Variants in HYDIN observed in about 807,000 individuals in gnomAD.
The protein encoded by HYDIN is HYDIN axonemal central pair apparatus protein, also known as axonemal central pair apparatus protein HYDIN.
HYDIN carries 132 observed loss-of-function variants against 403.9 expected under a neutral mutation model. That is an observed-to-expected ratio of 0.33 (90% CI 0.28 to 0.38). The LOEUF is 0.38. Ranked by LOEUF, HYDIN falls within the 10% of genes least tolerant of loss-of-function variation. The pLI, the probability that HYDIN is intolerant of heterozygous loss-of-function variation, is 1.00. For missense variants in HYDIN, 2,827 were observed against 5,009.5 expected, an observed-to-expected ratio of 0.56 and a Z score of 13.15; for synonymous variants, 1,202 against 1,891.7, an observed-to-expected ratio of 0.64 and a Z score of 9.46.
At chr16:70,931,646 C>A (rs1357462371) in intron 45 of HYDIN, among the ~76,000 whole-genome samples, 2 of 152,000 alleles carry the variant, frequency 1.3e-5, no homozygotes, top group Non-Finnish European at 2.9e-5. Flanking sequence ...TCAGAATCAC[C>A]AGCAGATTTC....
chr16:70,891,215 G>A lies in HYDIN; in HGVS notation c.9656+431C>T, dbSNP rs1186328344. Among the ~76,000 whole-genome samples, 8 of 152,186 alleles carry A rather than the reference G, an allele frequency of 5.3e-5. 1 individual carries two copies. The highest frequency in any genetic ancestry group is 1.9e-4 in the African/African-American group (8 of 41,536). Reference sequence around the variant, plus strand: ...TTATTTTTTATTTTTTTGAGACAGAGTCTCGTTCTGTCGCCCAGACTGGAG... The same window carrying A: ...TTATTTTTTATTTTTTTGAGACAGAATCTCGTTCTGTCGCCCAGACTGGAG... On this transcript the variant is annotated intron_variant, in intron 57 of 85. Transcript: ENST00000393567.
chr16:70,985,160 C>T lies in HYDIN; in HGVS notation c.4332+25G>A, dbSNP rs573472690. On this transcript the variant is annotated intron_variant, in intron 28 of 85. Transcript: ENST00000393567. ...GGAGTGGGGCTCGTAGGTTTGAATTCGGGCCCCTCCCACCATTTACTTACA... is the reference window on the plus strand; with the variant it reads ...GGAGTGGGGCTCGTAGGTTTGAATTTGGGCCCCTCCCACCATTTACTTACA... 363 of 1,610,326 alleles carry T rather than the reference C, an allele frequency of 2.3e-4. 3 individuals carry two copies. In the East Asian group the frequency reaches 7.7e-3, roughly 34 times the overall value.
chr16:70,964,541 C>T (rs8061663), intron 37 of HYDIN, among the ~76,000 whole-genome samples, 187 bp downstream of exon 37: 6,147 of 144,256 alleles, frequency 0.043, no homozygotes, highest in African/African-American at 0.16. Context: ...TGTGTTCCAG[C>T]CTCTGCATCC....
chr16:71,156,718 GAATAT>G (rs2085783322), intron 6 of HYDIN, among the ~76,000 whole-genome samples: 1 of 151,296 alleles, frequency 6.6e-6, no homozygotes, highest in Non-Finnish European at 1.5e-5. Flanking sequence ...ATTAAATATT[GAATAT>G]AATATTAGTA....
In HYDIN at chr16:71,152,786, G is replaced by C. The variant is rs773693247; in HGVS notation, c.717-3C>G. On this transcript the variant is annotated splice_region_variant and splice_polypyrimidine_tract_variant and intron_variant, in intron 6 of 85. Coordinates refer to ENST00000393567, the MANE Select transcript of HYDIN (RefSeq NM_001270974.2). ...TAGCTGGTTCTATAGAGAAAGGCCT[G>C]CAACACACAGAGAGGCACATCATCA... 7 of 1,540,904 alleles carry C rather than the reference G, an allele frequency of 4.5e-6. No individual in the cohort carries two copies. The highest frequency in any genetic ancestry group is 6.2e-6 in the Non-Finnish European group (7 of 1,137,788).
At chr16:70,970,972 A>C (rs1339378757) in intron 35 of HYDIN, among the ~76,000 whole-genome samples, 3 of 152,176 alleles carry the variant, frequency 2.0e-5, no homozygotes, top group East Asian at 3.9e-4. Context: ...ATATCAAATA[A>C]ATTCTGGGTA....
At chr16:70,840,585 T>C (rs2037749472) in intron 75 of HYDIN, among the ~76,000 whole-genome samples, 1 of 152,234 alleles carries the variant, frequency 6.6e-6, no homozygotes, top group African/African-American at 2.4e-5. Flanking sequence ...TGCTTCATTT[T>C]ACACCTTCCT....
intron 25 of HYDIN, among the ~76,000 whole-genome samples, chr16:70,990,101 T>C (rs1312898100): frequency 2.6e-5 from 4 of 152,020 alleles, no homozygotes; most frequent in Non-Finnish European, 5.9e-5. Flanking sequence ...AGAGTTAATG[T>C]AAAAAATTGC....
At chr16:71,112,926 A>T (rs904156959) in intron 10 of HYDIN, among the ~76,000 whole-genome samples, 4 of 152,182 alleles carry the variant, frequency 2.6e-5, no homozygotes, top group Admixed American at 2.6e-4. Context: ...CATAAGATAA[A>T]ATAAAACAAT....
intron 10 of HYDIN, among the ~76,000 whole-genome samples, chr16:71,094,798 C>T (rs897314197): frequency 1.3e-5 from 2 of 152,236 alleles, no homozygotes; most frequent in Non-Finnish European, 2.9e-5. Flanking sequence ...TATTTGTTCT[C>T]TCCCAAGTCC....
At chr16:70,966,147 A>T (rs1490958758) in intron 36 of HYDIN, among the ~76,000 whole-genome samples, 1 of 151,954 alleles carries the variant, frequency 6.6e-6, no homozygotes, top group East Asian at 1.9e-4. Flanking sequence ...CTCCATTGCC[A>T]TCTCATCACA....
At chr16:71,030,456 A>G (rs1408339599) in intron 19 of HYDIN, among the ~76,000 whole-genome samples, 1 of 148,820 alleles carries the variant, frequency 6.7e-6, no homozygotes, top group Non-Finnish European at 1.5e-5. Context: ...TTTTTAAGAC[A>G]GGGTCTCACT....
chr16:70,831,524 A>C (rs950496063), intron 80 of HYDIN, among the ~76,000 whole-genome samples: 2 of 146,706 alleles, frequency 1.4e-5, no homozygotes, highest in Admixed American at 6.7e-5. Flanking sequence ...AAAAAAAAAA[A>C]AAACCAAAAA....
chr16:71,109,369 C>T (rs1358557977), intron 10 of HYDIN, among the ~76,000 whole-genome samples: 1 of 135,366 alleles, frequency 7.4e-6, no homozygotes, highest in East Asian at 2.0e-4. Flanking sequence ...AGTATACTGT[C>T]GTTTACGCAA....
intron 15 of HYDIN, among the ~76,000 whole-genome samples, chr16:71,065,344 G>A (rs1597690630): frequency 6.6e-6 from 1 of 152,296 alleles, no homozygotes. Flanking sequence ...GTGGCTGCTT[G>A]GTCCAGAACT....
At chr16:70,956,588 G>T (rs1032779206) in intron 39 of HYDIN, among the ~76,000 whole-genome samples, 9 of 152,140 alleles carry the variant, frequency 5.9e-5, no homozygotes, top group Non-Finnish European at 1.2e-4. Context: ...TGGAGTCAGA[G>T]CAGGTCAATC....
At chr16:71,037,924 C>G (rs993613551) in intron 18 of HYDIN, among the ~76,000 whole-genome samples, 9 of 152,130 alleles carry the variant, frequency 5.9e-5, no homozygotes, top group Admixed American at 5.2e-4. Flanking sequence ...TGCCTTAAGC[C>G]GCTATATTTG....
intron 11 of HYDIN, among the ~76,000 whole-genome samples, chr16:71,092,542 G>A (rs1045754949): frequency 2.0e-5 from 3 of 152,136 alleles, no homozygotes; most frequent in Non-Finnish European, 4.4e-5. Flanking sequence ...CTCACAAATA[G>A]TTCTCACAAA....
intron 67 of HYDIN, chr16:70,865,370 T>C (rs2039684932): frequency 2.3e-6 from 1 of 430,692 alleles, no homozygotes; most frequent in African/African-American, 2.0e-5. Context: ...TATGCTGTAA[T>C]GAAAAATTCT....
Sources: gnomAD v4.1 joint callset for allele counts (sites outside exome capture counted in the v4.1 genomes callset) on GRCh38, gnomAD v4.1.1 for gene constraint, MANE v1.5 for transcripts, NCBI Gene and HGNC (gene_info 2026-07-23, HGNC 2026-07-21) for gene names.